Variants in KCNJ15 observed in about 807,000 individuals in gnomAD.
KCNJ15 encodes the protein ATP-sensitive inward rectifier potassium channel 15.
A neutral mutation model predicts 23.0 loss-of-function variants in KCNJ15; 14 were observed. That is an observed-to-expected ratio of 0.61 (90% CI 0.40 to 0.95). KCNJ15 has a LOEUF of 0.95. Among genes scored for constraint, KCNJ15 ranks in the 40% least tolerant of loss-of-function variants. The pLI, the probability that KCNJ15 is intolerant of heterozygous loss-of-function variation, is 0.00. For synonymous variants in KCNJ15, 185 were observed against 183.2 expected, an observed-to-expected ratio of 1.01 and a Z score of -0.08; for missense variants, 388 against 461.8, an observed-to-expected ratio of 0.84 and a Z score of 1.46.
intron 1 of KCNJ15, among the ~76,000 whole-genome samples, chr21:38,282,784 G>A (rs2123683742): frequency 1.3e-5 from 2 of 152,222 alleles, no homozygotes; most frequent in South Asian, 4.1e-4. Context: ...GAACTACTGT[G>A]CCCAGTCTAT....
In KCNJ15 at chr21:38,299,350, T is replaced by C. The variant is rs1162428518; in HGVS notation, c.89T>C (p.Met30Thr). The C allele has an allele frequency of 2.5e-6, 4 of 1,614,194 alleles. No homozygotes were observed. The highest frequency in any genetic ancestry group is 1.7e-5 in the Admixed American group (1 of 60,026). The change falls in exon 3 of 3, where the codon ATG (methionine) becomes ACG (threonine). Residue 30 changes from methionine (M) to threonine (T), a missense_variant. Transcript: ENST00000398938. This position sits in a 1 kb window ranked among gnomAD's most constrained non-coding sequence, Gnocchi z 4.5. Reference sequence around the variant, plus strand: ...CTCAAGGCCAACAGACCCCGCGTCATGTCCAAGAGTGGGCACAGCAACGTG... The same window carrying C: ...CTCAAGGCCAACAGACCCCGCGTCACGTCCAAGAGTGGGCACAGCAACGTG... Reference protein sequence around the residue: ...AGLKANRPRVMSKSGHSNVRI... With the variant: ...AGLKANRPRVTSKSGHSNVRI...
chr21:38,261,926 G>T (rs769992374), intron 1 of KCNJ15, among the ~76,000 whole-genome samples: 8 of 152,118 alleles, frequency 5.3e-5, no homozygotes, highest in Non-Finnish European at 1.2e-4. Flanking sequence ...TTCTATTAAC[G>T]CTGTTTCCAA....
chr21:38,284,794 T>G (rs1374823028), intron 1 of KCNJ15, among the ~76,000 whole-genome samples: 1 of 152,176 alleles, frequency 6.6e-6, no homozygotes, highest in South Asian at 2.1e-4. Context: ...TCCTCCTCGT[T>G]TCCTGGAAGG....
At chr21:38,283,335 A>G (rs774925589) in intron 1 of KCNJ15, among the ~76,000 whole-genome samples, 23 of 152,130 alleles carry the variant, frequency 1.5e-4, no homozygotes, top group Non-Finnish European at 3.2e-4. Flanking sequence ...AAACCTTCCT[A>G]ATTTTGTTTT....
At chr21:38,241,967 T>TAAA (rs34321677) in intron 1 of KCNJ15, among the ~76,000 whole-genome samples, 50 of 111,972 alleles carry the variant, frequency 4.5e-4, no homozygotes, top group African/African-American at 1.3e-3. Flanking sequence ...AGACTCCATC[T>TAAA]AAAAAAAAAA....
At chr21:38,271,845 C>T (rs1013896423) in intron 1 of KCNJ15, among the ~76,000 whole-genome samples, 2 of 152,150 alleles carry the variant, frequency 1.3e-5, no homozygotes, top group Admixed American at 1.3e-4. Flanking sequence ...TTGTCTAAAC[C>T]GAAGGCAGGT....
At chr21:38,288,988 T>A (rs2123701247) in intron 1 of KCNJ15, among the ~76,000 whole-genome samples, 1 of 152,098 alleles carries the variant, frequency 6.6e-6, no homozygotes, top group Admixed American at 6.5e-5. Context: ...TCACTTGAGG[T>A]CAGGAGTTCG....
In KCNJ15 at chr21:38,304,424, T is replaced by C. The variant is rs1273209982; in HGVS notation, c.*4035T>C. 1 of 151,796 alleles carries C rather than the reference T, an allele frequency of 6.6e-6. No individual in the cohort carries two copies. Among genetic ancestry groups the C allele is most frequent in the Admixed American group, 6.6e-5 (1 of 15,252 alleles). The allele number at this position is 151,796 out of a possible 1,614,324, so 9.4% of individuals were successfully genotyped here. A position where few individuals can be genotyped will look rare whatever the true frequency, so the allele number is the denominator to read the frequency against. On this transcript the variant is annotated 3_prime_UTR_variant, in exon 3 of 3. Transcript: ENST00000398938. ...TTTCATCCAATAACTAGTTTTATCATAGCTTTCCATGATGTAATTTTTTAA... is the reference window on the plus strand; with the variant it reads ...TTTCATCCAATAACTAGTTTTATCACAGCTTTCCATGATGTAATTTTTTAA...
At chr21:38,280,942 A>G (rs1161007128) in intron 1 of KCNJ15, among the ~76,000 whole-genome samples, 1 of 152,162 alleles carries the variant, frequency 6.6e-6, no homozygotes, top group African/African-American at 2.4e-5. Flanking sequence ...CAGTCACTCA[A>G]ACCATTTTCT....
chr21:38,304,257 C>A lies in KCNJ15; in HGVS notation c.*3868C>A, dbSNP rs12329730. 2 of 118,512 alleles carry A rather than the reference C, an allele frequency of 1.7e-5. No homozygotes were observed. The highest frequency in any genetic ancestry group is 3.4e-4 in the South Asian group (1 of 2,968). 7.3% of individuals were successfully genotyped at this position (118,512 alleles called of 1,614,324 possible). On this transcript the variant is annotated 3_prime_UTR_variant, in exon 3 of 3. Coordinates refer to ENST00000398938, the MANE Select transcript of KCNJ15 (RefSeq NM_170736.3). ...TAATGCTATCCCTCCCCCCTCCCCC[C>A]ACCCCACAACAGTCCCCGGTGTGTG...
At chr21:38,242,903 G>T (rs543920502) in intron 1 of KCNJ15, among the ~76,000 whole-genome samples, 2 of 152,194 alleles carry the variant, frequency 1.3e-5, no homozygotes, top group African/African-American at 4.8e-5. Flanking sequence ...ATGGAAGGGT[G>T]CCGGGCCCAC....
chr21:38,293,093 G>A (rs1469888443), intron 1 of KCNJ15, among the ~76,000 whole-genome samples: 1 of 152,004 alleles, frequency 6.6e-6, no homozygotes, highest in African/African-American at 2.4e-5. Context: ...TGTCTCTGTG[G>A]TCAGGTTTCA....
intron 1 of KCNJ15, chr21:38,238,409 T>C (rs1180558590): frequency 5.7e-6 from 4 of 698,974 alleles, no homozygotes. Context: ...ATGTTAGGAA[T>C]GTAGACAGGG....
intron 1 of KCNJ15, among the ~76,000 whole-genome samples, chr21:38,294,905 A>C (rs1984986128): frequency 1.3e-5 from 2 of 152,232 alleles, no homozygotes; most frequent in Admixed American, 1.3e-4. Context: ...AGTTGTAAGA[A>C]CTTCACTTAG....
intron 1 of KCNJ15, among the ~76,000 whole-genome samples, chr21:38,273,236 C>A (rs909339455): frequency 6.6e-6 from 1 of 152,158 alleles, no homozygotes; most frequent in Non-Finnish European, 1.5e-5. Context: ...CTCTAGTTAC[C>A]TTTACAGATT....
At chr21:38,291,759 T>C (rs1984630202) in intron 1 of KCNJ15, 2 of 152,200 alleles carry the variant, frequency 1.3e-5, no homozygotes, top group Admixed American at 1.3e-4. Flanking sequence ...TAGGACCCAG[T>C]CATTTGCATT....
chr21:38,297,589 A>G (rs1985291870), intron 2 of KCNJ15, among the ~76,000 whole-genome samples: 1 of 152,244 alleles, frequency 6.6e-6, no homozygotes, highest in Non-Finnish European at 1.5e-5. Flanking sequence ...TGGGCATGCC[A>G]GAATGGCGTT....
At chr21:38,233,279 A>G (rs1978392938) in intron 1 of KCNJ15, among the ~76,000 whole-genome samples, 1 of 152,084 alleles carries the variant, frequency 6.6e-6, no homozygotes, top group African/African-American at 2.4e-5. Context: ...CTGGCTCTCT[A>G]AAGTTGCTAG....
chr21:38,298,568 A>G (rs1315363668), intron 2 of KCNJ15, among the ~76,000 whole-genome samples: 1 of 152,196 alleles, frequency 6.6e-6, no homozygotes, highest in East Asian at 1.9e-4. Flanking sequence ...GAGAGGCTGT[A>G]GATTCTTAAT....
Sources: gnomAD v4.1 joint callset for allele counts (sites outside exome capture counted in the v4.1 genomes callset) on GRCh38, gnomAD v4.1.1 for gene constraint, Gnocchi (gnomAD v3.1) non-coding constraint, MANE v1.5 for transcripts, NCBI Gene and HGNC (gene_info 2026-07-23, HGNC 2026-07-21) for gene names.